RSRC1: variants seen among roughly 807,000 people sequenced by gnomAD.
RSRC1 encodes serine/Arginine-related protein 53.
Under a neutral mutation model 49.1 loss-of-function variants are expected in RSRC1, and 39 were observed. The observed-to-expected ratio is 0.79, with a 90% CI of 0.61 to 1.04. The LOEUF is 1.04. RSRC1 is among the 50% of genes least tolerant of loss of function. RSRC1 has a pLI of 0.00. For missense variants in RSRC1, 388 were observed against 402.4 expected (o/e 0.96, Z 0.31); for synonymous variants, 143 against 130.8 (o/e 1.09, Z -0.63).
At chr3:158,326,454 T>G (rs1729148560) in intron 5 of RSRC1, among the ~76,000 whole-genome samples, 1 of 152,226 alleles carries the variant, frequency 6.6e-6, no homozygotes, top group Non-Finnish European at 1.5e-5. Context: ...TGTTGAATTT[T>G]GTTGAAGGCC....
At chr3:158,380,897 C>A (rs1732662378) in intron 6 of RSRC1, among the ~76,000 whole-genome samples, 1 of 151,988 alleles carries the variant, frequency 6.6e-6, no homozygotes, top group Non-Finnish European at 1.5e-5. Context: ...TTCTGTTAAC[C>A]CTTAAACAAC....
chr3:158,427,584 T>G (rs1015341328), intron 6 of RSRC1, among the ~76,000 whole-genome samples: 2 of 151,844 alleles, frequency 1.3e-5, no homozygotes, highest in Admixed American at 1.3e-4. Flanking sequence ...AATCACCAGT[T>G]AGATCAGTAA....
intron 6 of RSRC1, among the ~76,000 whole-genome samples, chr3:158,428,591 A>T (rs915329157): frequency 6.6e-6 from 1 of 151,900 alleles, no homozygotes; most frequent in Non-Finnish European, 1.5e-5. Flanking sequence ...ATGTTTAGAA[A>T]GATGTCTGGC....
intron 6 of RSRC1, among the ~76,000 whole-genome samples, chr3:158,434,201 A>G (rs1735922693): frequency 6.6e-6 from 1 of 152,000 alleles, no homozygotes; most frequent in Admixed American, 6.6e-5. Flanking sequence ...AAATGTTATA[A>G]ATTATAAAAT....
chr3:158,503,734 G>A (rs925425934), intron 7 of RSRC1, among the ~76,000 whole-genome samples: 6 of 143,124 alleles, frequency 4.2e-5, no homozygotes, highest in East Asian at 2.0e-4. Flanking sequence ...GACTCCCACC[G>A]TGCCCCCCCA....
intron 7 of RSRC1, among the ~76,000 whole-genome samples, chr3:158,517,755 ATTTTTTTTTTTTTTTTTTT>A (rs766129663): frequency 3.1e-4 from 11 of 35,196 alleles, no homozygotes; most frequent in South Asian, 1.6e-3. Flanking sequence ...CACCCAGCTA[ATTTTTTTTTTTTTTTTTTT>A]TTTTTTTTTT....
intron 3 of RSRC1, among the ~76,000 whole-genome samples, chr3:158,163,341 T>C (rs559121950): frequency 3.3e-5 from 5 of 152,186 alleles, no homozygotes; most frequent in African/African-American, 1.2e-4. Context: ...AGTGAGTTAA[T>C]GTTTTGTGGT....
intron 8 of RSRC1, among the ~76,000 whole-genome samples, chr3:158,541,752 TA>T (rs1560080955): frequency 2.0e-5 from 3 of 152,184 alleles, no homozygotes; most frequent in Non-Finnish European, 4.4e-5. Flanking sequence ...TGTTTTTTTT[TA>T]ATTTTACTTT....
chr3:158,471,296 T>C (rs984779464), intron 7 of RSRC1, among the ~76,000 whole-genome samples: 2 of 152,208 alleles, frequency 1.3e-5, no homozygotes. Flanking sequence ...TTCAGTAACA[T>C]GGTGACTTTG....
At chr3:158,146,668 C>A (rs1360484572) in intron 3 of RSRC1, among the ~76,000 whole-genome samples, 1 of 152,146 alleles carries the variant, frequency 6.6e-6, no homozygotes, top group East Asian at 1.9e-4. Context: ...AGGATTCCCT[C>A]TTTTTCTATT....
chr3:158,521,787 T>C (rs539678003), intron 7 of RSRC1, among the ~76,000 whole-genome samples: 2 of 152,276 alleles, frequency 1.3e-5, no homozygotes, highest in East Asian at 1.9e-4. Context: ...ATTGTTCCTA[T>C]AGCTGATTTC....
rs1729377952 is a variant in RSRC1 at position 158,329,094 on chromosome 3, AT to A, written c.532-25760del. On this transcript the variant is annotated intron_variant, in intron 5 of 9. Coordinates refer to ENST00000611884, the MANE Select transcript of RSRC1 (RefSeq NM_001271838.2). ...CCATGGTTTTCAGCTCCATCAGGTC[AT>A]TTAAGGACTTCTCTACTCTGGTTAT... 1.3e-5 allele frequency among the ~76,000 whole-genome samples: 2 copies of A among 152,142 alleles called. 1 individual carries two copies. Among genetic ancestry groups the A allele is most frequent in the South Asian group, 4.1e-4 (2 of 4,826 alleles).
chr3:158,369,101 G>T (rs1305544388), intron 6 of RSRC1, among the ~76,000 whole-genome samples: 1 of 151,934 alleles, frequency 6.6e-6, no homozygotes, highest in East Asian at 1.9e-4. Context: ...AAAATAATGA[G>T]TGCCATTTAT....
chr3:158,129,066 A>G (rs1403097660), intron 3 of RSRC1, among the ~76,000 whole-genome samples: 1 of 152,030 alleles, frequency 6.6e-6, no homozygotes, highest in East Asian at 1.9e-4. Flanking sequence ...TTCCTTTTGT[A>G]GTTGATAGAT....
At chr3:158,519,501 T>C (rs1711542168) in intron 7 of RSRC1, among the ~76,000 whole-genome samples, 1 of 151,590 alleles carries the variant, frequency 6.6e-6, no homozygotes, top group Admixed American at 6.6e-5. Flanking sequence ...AAGAGCATTC[T>C]AGATGGAGGA....
intron 6 of RSRC1, among the ~76,000 whole-genome samples, chr3:158,445,774 CT>C (rs1319091635): frequency 1.2e-4 from 18 of 152,098 alleles, no homozygotes; most frequent in Non-Finnish European, 2.2e-4. Flanking sequence ...TATTAATAGA[CT>C]ATATTCTTTG....
intron 6 of RSRC1, among the ~76,000 whole-genome samples, chr3:158,419,908 T>G (rs187454553): frequency 1.3e-4 from 20 of 151,888 alleles, no homozygotes; most frequent in Admixed American, 1.2e-3. Flanking sequence ...TTTCCTACAT[T>G]AACAGTCCTT....
intron 7 of RSRC1, among the ~76,000 whole-genome samples, chr3:158,478,233 G>A (rs1738466655): frequency 1.3e-5 from 2 of 151,034 alleles, no homozygotes; most frequent in South Asian, 2.1e-4. Flanking sequence ...TAGGTTTTGG[G>A]GTTTTTTTTT....
intron 6 of RSRC1, among the ~76,000 whole-genome samples, chr3:158,442,580 A>G (rs1736441342): frequency 6.6e-6 from 1 of 152,068 alleles, no homozygotes; most frequent in South Asian, 2.1e-4. Context: ...TGAAGTCTTG[A>G]GCCCTTCAAA....
Sources: allele counts gnomAD v4.1 joint callset (sites outside exome capture counted in the v4.1 genomes callset), GRCh38; gene constraint gnomAD v4.1.1; transcripts MANE v1.5; gene names NCBI Gene and HGNC (gene_info 2026-07-23, HGNC 2026-07-21).